Variants in EXT1 observed in about 807,000 individuals in gnomAD.
EXT1 encodes exostosin glycosyltransferase 1.
In EXT1, 20 loss-of-function variants were observed where a neutral mutation model predicts 82.5. That is an observed-to-expected ratio of 0.24 (90% CI 0.17 to 0.35). EXT1 has a LOEUF of 0.35. Among genes scored for constraint, EXT1 ranks in the 10% least tolerant of loss-of-function variants. EXT1 has a pLI of 1.00. For synonymous variants in EXT1, 348 were observed against 350.8 expected (o/e 0.99, Z 0.09); for missense variants, 757 against 936.5 (o/e 0.81, Z 2.50).
intron 7 of EXT1, among the ~76,000 whole-genome samples, chr8:117,813,315 C>G (rs568700110): frequency 6.9e-6 from 1 of 144,796 alleles, no homozygotes; most frequent in East Asian, 2.0e-4. Flanking sequence ...GAGCAACTAG[C>G]TGTCTGGAAG....
At chr8:118,109,972 G>A (rs1817864052) in intron 1 of EXT1, 113 bp downstream of exon 1, 2 of 1,546,774 alleles carry the variant, frequency 1.3e-6, no homozygotes, top group Non-Finnish European at 1.8e-6. Context: ...GCTCAAAGGG[G>A]AAAGAGGACT....
chr8:117,986,539 A>G (rs1815323948), intron 1 of EXT1, among the ~76,000 whole-genome samples: 1 of 152,212 alleles, frequency 6.6e-6, no homozygotes, highest in African/African-American at 2.4e-5. Flanking sequence ...GGTCTAAAAA[A>G]TAAGACCAAA....
chr8:118,026,600 C>A (rs1163955123), intron 1 of EXT1, among the ~76,000 whole-genome samples: 1 of 151,898 alleles, frequency 6.6e-6, no homozygotes, highest in Admixed American at 6.5e-5. Flanking sequence ...AAAAAAAAAT[C>A]TCTTGAAGAG....
chr8:117,822,586 G>A lies in EXT1; in HGVS notation c.1296C>T (p.Asp432=). The change falls in exon 5 of 11, where the codon GAC becomes GAT. Residue 432 remains aspartate, a synonymous_variant. Coordinates refer to ENST00000378204, the MANE Select transcript of EXT1 (RefSeq NM_000127.3). ...IVLTTLEIIQ[D]RIFKHISRNS... ...TACGTGATATGTGCTTGAATATTCT[G>A]TCCTGAATAATCTAGAAAATAAAAC... 6.2e-7 allele frequency: 1 copy of A among 1,612,870 alleles called. No homozygotes were observed. Among genetic ancestry groups the A allele is most frequent in the Non-Finnish European group, 8.5e-7 (1 of 1,179,654 alleles).
chr8:118,107,673 T>C (rs532604963), intron 1 of EXT1, among the ~76,000 whole-genome samples: 4 of 152,270 alleles, frequency 2.6e-5, no homozygotes, highest in South Asian at 2.1e-4. Context: ...ATCTCCAAAT[T>C]TGAGAGTTCT....
chr8:117,801,991 C>G (rs1412562791), intron 10 of EXT1, among the ~76,000 whole-genome samples: 1 of 152,150 alleles, frequency 6.6e-6, no homozygotes, highest in African/African-American at 2.4e-5. Context: ...TATTCTGAGT[C>G]AACCAACATC....
chr8:117,853,702 C>T (rs1374272037), intron 1 of EXT1, among the ~76,000 whole-genome samples: 1 of 152,188 alleles, frequency 6.6e-6, no homozygotes. Flanking sequence ...ACATTTTTAG[C>T]ACTTATTTAT....
chr8:117,992,013 A>G (rs1815444775), intron 1 of EXT1, among the ~76,000 whole-genome samples: 1 of 152,238 alleles, frequency 6.6e-6, no homozygotes, highest in Non-Finnish European at 1.5e-5. Context: ...CGTCCATATC[A>G]GAAGGCAATT....
chr8:117,962,666 T>C (rs1007729956), intron 1 of EXT1, among the ~76,000 whole-genome samples: 38 of 151,978 alleles, frequency 2.5e-4, no homozygotes, highest in Non-Finnish European at 7.4e-5. Context: ...GGCAGGAGGA[T>C]TGCTTGGGGC....
At chr8:117,937,414 T>C (rs1814187866) in intron 1 of EXT1, among the ~76,000 whole-genome samples, 1 of 152,230 alleles carries the variant, frequency 6.6e-6, no homozygotes, top group Non-Finnish European at 1.5e-5. Context: ...ACACAGACGC[T>C]CCATGGCACT....
At chr8:117,845,564 A>T (rs887782842) in intron 1 of EXT1, among the ~76,000 whole-genome samples, 24 of 137,132 alleles carry the variant, frequency 1.8e-4, no homozygotes, top group African/African-American at 5.5e-4. Flanking sequence ...AGTAAAAAAA[A>T]AAAATAAATA....
At chr8:117,928,919 A>T (rs1814000289) in intron 1 of EXT1, among the ~76,000 whole-genome samples, 1 of 152,220 alleles carries the variant, frequency 6.6e-6, no homozygotes, top group African/African-American at 2.4e-5. Context: ...TTCTGTGCCC[A>T]CTAAAACAAA....
chr8:117,872,886 A>G (rs1001432121), intron 1 of EXT1, among the ~76,000 whole-genome samples: 11 of 151,986 alleles, frequency 7.2e-5, no homozygotes, highest in Non-Finnish European at 1.5e-4. Flanking sequence ...CCAAGATGGG[A>G]TTTTTACATA....
intron 10 of EXT1, among the ~76,000 whole-genome samples, chr8:117,804,240 C>G (rs1823205979): frequency 6.6e-6 from 1 of 152,068 alleles, no homozygotes; most frequent in Non-Finnish European, 1.5e-5. Flanking sequence ...ATAAAAAGGA[C>G]CCTAGAGAAC....
chr8:118,074,576 A>G (rs79027045), intron 1 of EXT1, among the ~76,000 whole-genome samples: 41 of 109,746 alleles, frequency 3.7e-4, no homozygotes, highest in Admixed American at 8.8e-4. Context: ...AGAAGAGAGA[A>G]AAAAAAAAAA....
chr8:117,904,228 T>G (rs28357277), intron 1 of EXT1, among the ~76,000 whole-genome samples: 46,445 of 152,042 alleles, frequency 0.31, 7,423 homozygotes, highest in East Asian at 0.37. Context: ...TGGAATCCAA[T>G]TTCTTTTTCT....
chr8:117,858,909 G>T (rs1016675283), intron 1 of EXT1, among the ~76,000 whole-genome samples: 60 of 143,962 alleles, frequency 4.2e-4, no homozygotes, highest in African/African-American at 9.1e-4. Context: ...AAGAAAGAAA[G>T]AAATTGCCAC....
intron 1 of EXT1, among the ~76,000 whole-genome samples, chr8:117,919,791 A>G (rs1465017357): frequency 1.3e-5 from 2 of 152,238 alleles, no homozygotes; most frequent in African/African-American, 4.8e-5. Context: ...GCCATGAGCT[A>G]CCACACCTGA....
At position 118,111,310 on chromosome 8, in the gene EXT1, G is replaced by A. The variant is rs915287206; in HGVS notation, c.-264C>T. The stretch of plus-strand genomic sequence containing the variant: ...CGGGGCTGAATATCTCGCACCCAGG[G>A]CGGGCGAGCAGCGGACTGTAATTTT... On this transcript the variant is annotated 5_prime_UTR_variant, in exon 1 of 11. Transcript: ENST00000378204. 1 of 606,174 alleles carries A rather than the reference G, an allele frequency of 1.6e-6. No individual in the cohort carries two copies. Among genetic ancestry groups the A allele is most frequent in the African/African-American group, 1.8e-5 (1 of 54,086 alleles). 37.5% of individuals were successfully genotyped at this position (606,174 alleles called of 1,614,324 possible). A position where few individuals can be genotyped will look rare whatever the true frequency, so the allele number is the denominator to read the frequency against.
Sources: gnomAD v4.1 joint callset for allele counts (sites outside exome capture counted in the v4.1 genomes callset) on GRCh38, gnomAD v4.1.1 for gene constraint, MANE v1.5 for transcripts, NCBI Gene and HGNC (gene_info 2026-07-23, HGNC 2026-07-21) for gene names.